LAMC3: variants seen among roughly 807,000 people sequenced by gnomAD.
LAMC3 encodes the protein laminin subunit gamma 3.
Under a neutral mutation model 173.8 loss-of-function variants are expected in LAMC3, and 128 were observed. That is an observed-to-expected ratio of 0.74 (90% CI 0.64 to 0.85). The LOEUF (loss-of-function observed/expected upper bound fraction) is 0.85, where lower values mean the gene tolerates loss of function less well. Among genes scored for constraint, LAMC3 ranks in the 40% least tolerant of loss-of-function variants. LAMC3 has a pLI of 0.00. For synonymous variants in LAMC3, 897 were observed against 909.1 expected (o/e 0.99, Z 0.24); for missense variants, 2,022 against 2,156.0 (o/e 0.94, Z 1.23).
chr9:131,027,928 C>G (rs1019024081), intron 2 of LAMC3, among the ~76,000 whole-genome samples: 1 of 152,258 alleles, frequency 6.6e-6, no homozygotes, highest in Admixed American at 6.5e-5. Context: ...CTATCTGTGT[C>G]CACGTTGCTG....
At position 131,087,459 on chromosome 9, in the gene LAMC3, T is replaced by G; in HGVS notation, c.4231-17T>G. The G allele has an allele frequency of 6.2e-7, 1 of 1,613,656 alleles. No individual in the cohort carries two copies. The highest frequency in any genetic ancestry group is 8.5e-7 in the Non-Finnish European group (1 of 1,179,934). On this transcript the variant is annotated splice_polypyrimidine_tract_variant and intron_variant, in intron 25 of 27. Transcript: ENST00000361069. ...TGCACTCACTTCTTCTCCCTGCCAC[T>G]GCCACCCATCCCATAGCTTGCCAAG... is the stretch of plus-strand genomic sequence containing the variant.
At chr9:131,032,310 C>A in intron 3 of LAMC3, 135 bp downstream of exon 3, 1 of 795,300 alleles carries the variant, frequency 1.3e-6, no homozygotes, top group Non-Finnish European at 2.1e-6. Context: ...GGAGCACCTG[C>A]CATTCGAGGC....
rs139685820 is a variant in LAMC3, at chr9:131,049,731, C to T, written c.1630+601C>T. Among the ~76,000 whole-genome samples the T allele has an allele frequency of 2.0e-5, 3 of 152,294 alleles. No homozygotes were observed. The East Asian group carries it at 5.8e-4, about 29-fold the overall frequency. On this transcript the variant is annotated intron_variant, in intron 9 of 27. Coordinates refer to ENST00000361069, the MANE Select transcript of LAMC3 (RefSeq NM_006059.4). ...CAGGGCCATAGCCACTGTCATGGCC[C>T]AGAGAATCTGTGTTTCCCATCAGCC... is the stretch of plus-strand genomic sequence containing the variant.
chr9:131,089,633 C>T (rs1211179938), intron 27 of LAMC3, among the ~76,000 whole-genome samples: 3 of 151,978 alleles, frequency 2.0e-5, no homozygotes, highest in Non-Finnish European at 2.9e-5. Flanking sequence ...AGTGATCCTC[C>T]TGCCTTGGCC....
In LAMC3 at chr9:131,057,130, C is replaced by T. The variant is rs1473299977; in HGVS notation, c.2141C>T (p.Thr714Ile). ...CVPCTCNQHGTCDPNTGICVC... is the reference protein window; with the variant it reads ...CVPCTCNQHGICDPNTGICVC... ...CCCTGCACCTGTAACCAGCATGGCACCTGTGACCCCAACACAGGTGAGTCT... is the reference window on the plus strand; with the variant it reads ...CCCTGCACCTGTAACCAGCATGGCATCTGTGACCCCAACACAGGTGAGTCT... Residue 714 changes from threonine to isoleucine, a missense_variant, in exon 12 of 28, where the codon ACC (threonine) becomes ATC (isoleucine). Coordinates refer to ENST00000361069, the MANE Select transcript of LAMC3 (RefSeq NM_006059.4). The T allele has an allele frequency of 2.5e-6, 4 of 1,613,970 alleles. No individual in the cohort carries two copies. In the East Asian group the frequency reaches 6.7e-5, roughly 27 times the overall value.
intron 11 of LAMC3, among the ~76,000 whole-genome samples, chr9:131,053,572 C>T (rs773648979): frequency 5.3e-5 from 8 of 152,192 alleles, no homozygotes; most frequent in Non-Finnish European, 1.2e-4. Context: ...CAGAAGCTCA[C>T]GCCTGTAATC....
In LAMC3 at chr9:131,079,705, AAAG is replaced by A. The variant is rs561019339; in HGVS notation, c.3927+414_3927+416del. 1.4e-4 allele frequency among the ~76,000 whole-genome samples: 22 copies of A among 151,984 alleles called. No homozygotes were observed. The East Asian group carries it at 2.5e-3, about 17-fold the overall frequency. On this transcript the variant is annotated intron_variant, in intron 23 of 27. Coordinates refer to ENST00000361069, the MANE Select transcript of LAMC3 (RefSeq NM_006059.4). The stretch of plus-strand genomic sequence containing the variant: ...GAGACCCCATCTCAAAAAAAAGAAA[AAAG>A]AAGAAGTAGCTCTGTCCATCCCTCT...
intron 1 of LAMC3, among the ~76,000 whole-genome samples, chr9:131,010,261 G>GCT (rs1404671941): frequency 1.3e-5 from 2 of 151,930 alleles, no homozygotes; most frequent in Non-Finnish European, 2.9e-5. Flanking sequence ...AGAGGTTGAG[G>GCT]CTGCATGAAA....
At chr9:131,064,551 T>C (rs1829889476) in intron 13 of LAMC3, among the ~76,000 whole-genome samples, 1 of 150,118 alleles carries the variant, frequency 6.7e-6, no homozygotes, top group Non-Finnish European at 1.5e-5. Flanking sequence ...TAGTCCCAGC[T>C]ACGCGGGAGG....
chr9:131,062,711 A>G (rs11244269), intron 13 of LAMC3, among the ~76,000 whole-genome samples: 29,949 of 151,742 alleles, frequency 0.2, 3,755 homozygotes, highest in Admixed American at 0.27. Flanking sequence ...TCTACTAAAA[A>G]TACAAAAATT....
intron 9 of LAMC3, among the ~76,000 whole-genome samples, chr9:131,049,338 CT>C (rs1419868123): frequency 2.6e-5 from 4 of 152,200 alleles, no homozygotes; most frequent in Non-Finnish European, 5.9e-5. Flanking sequence ...CCTTCCTTGC[CT>C]TTCCCAGCCT....
At chr9:131,018,489 C>T (rs1427910029) in intron 1 of LAMC3, among the ~76,000 whole-genome samples, 1 of 152,048 alleles carries the variant, frequency 6.6e-6, no homozygotes, top group Non-Finnish European at 1.5e-5. Context: ...TAGCCCAGAC[C>T]CTCACAAGCT....
intron 3 of LAMC3, among the ~76,000 whole-genome samples, chr9:131,033,701 C>T (rs900116115): frequency 2.0e-5 from 3 of 152,088 alleles, no homozygotes; most frequent in Non-Finnish European, 4.4e-5. Context: ...TGTCAGGAAT[C>T]GAGGCGGGAG....
At chr9:131,012,198 T>C (rs1833428508) in intron 1 of LAMC3, among the ~76,000 whole-genome samples, 1 of 152,164 alleles carries the variant, frequency 6.6e-6, no homozygotes, top group Non-Finnish European at 1.5e-5. Flanking sequence ...ACCTCCTCTG[T>C]CCTGTGCTCT....
At chr9:131,077,979 T>A (rs929933328) in intron 22 of LAMC3, among the ~76,000 whole-genome samples, 7 of 152,138 alleles carry the variant, frequency 4.6e-5, no homozygotes, top group Non-Finnish European at 4.4e-5. Flanking sequence ...GGCCAAGGAC[T>A]TTCCCTTCCT....
In LAMC3 at chr9:131,018,634, C is replaced by T. The variant is rs191024029; in HGVS notation, c.374-7651C>T. 2.4e-3 allele frequency among the ~76,000 whole-genome samples: 358 copies of T among 152,218 alleles called. 1 individual carries two copies. The highest frequency in any genetic ancestry group is 4.0e-3 in the Non-Finnish European group (272 of 68,008). On this transcript the variant is annotated intron_variant, in intron 1 of 27. Coordinates refer to ENST00000361069, the MANE Select transcript of LAMC3 (RefSeq NM_006059.4). ...TACTTGGCTTCCCTCACCTCCAGGC[C>T]GCCCAATATGCTGTTCTCTCTGTCT...
chr9:131,023,749 C>T (rs911892843), intron 1 of LAMC3, among the ~76,000 whole-genome samples: 3 of 152,068 alleles, frequency 2.0e-5, no homozygotes, highest in Non-Finnish European at 2.9e-5. Flanking sequence ...CTTGGAGGCA[C>T]GGGCCACCAT....
chr9:131,036,168 G>A lies in LAMC3; in HGVS notation c.812G>A (p.Cys271Tyr), dbSNP rs1384496752. Residue 271 changes from cysteine (C) to tyrosine (Y), a missense_variant and splice_region_variant, in exon 4 of 28, where the codon TGC becomes TAC. Transcript: ENST00000361069. ...TCCTCCTCTGTGTCTTTTCCCAGGT[G>A]CAAGTGCAACGGGCATGCCAGCGAG... ...AVSDFSVGGR[C>Y]KCNGHASECG... 2 of 1,613,300 alleles carry A rather than the reference G, an allele frequency of 1.2e-6. No homozygotes were observed. The highest frequency in any genetic ancestry group is 2.2e-5 in the East Asian group (1 of 44,870).
chr9:131,026,847 C>T lies in LAMC3; in HGVS notation c.678+258C>T, dbSNP rs927331311. ...TCAGCCTGCCAAGTAACTGAGATTA[C>T]AGGTGCCCGCCACGACTCCTGGCTG... On this transcript the variant is annotated intron_variant, in intron 2 of 27. Coordinates refer to ENST00000361069, the MANE Select transcript of LAMC3 (RefSeq NM_006059.4). The surrounding 1 kb of genome is among the most constrained non-coding windows in gnomAD (Gnocchi z 4.8). Among the ~76,000 whole-genome samples, 6 of 152,170 alleles carry T rather than the reference C, an allele frequency of 3.9e-5. No homozygotes were observed. The highest frequency in any genetic ancestry group is 6.5e-5 in the Admixed American group (1 of 15,276).
Sources: gnomAD v4.1 joint callset for allele counts (sites outside exome capture counted in the v4.1 genomes callset) on GRCh38, gnomAD v4.1.1 for gene constraint, Gnocchi (gnomAD v3.1) non-coding constraint, MANE v1.5 for transcripts, NCBI Gene and HGNC (gene_info 2026-07-23, HGNC 2026-07-21) for gene names.